Variants in RELN observed in about 807,000 individuals in gnomAD.
The protein encoded by RELN is reelin.
RELN carries 108 observed loss-of-function variants against 427.6 expected under a neutral mutation model. The observed-to-expected ratio is 0.25, with a 90% confidence interval of 0.22 to 0.30. The LOEUF (loss-of-function observed/expected upper bound fraction) is 0.30, where lower values mean the gene tolerates loss of function less well. RELN is among the 10% of genes least tolerant of loss of function. The pLI is 1.00. For missense variants in RELN, 3,715 were observed against 4,302.8 expected (o/e 0.86, Z 3.82); for synonymous variants, 1,524 against 1,513.4 (o/e 1.01, Z -0.16).
intron 1 of RELN, among the ~76,000 whole-genome samples, chr7:103,934,857 C>G (rs770314612): frequency 4.6e-5 from 7 of 152,166 alleles, no homozygotes; most frequent in African/African-American, 9.7e-5. Context: ...CTCATCTGCT[C>G]TAGGTGAGAA....
intron 3 of RELN, among the ~76,000 whole-genome samples, chr7:103,799,544 G>T (rs771096677): frequency 4.6e-5 from 7 of 152,088 alleles, no homozygotes; most frequent in Non-Finnish European, 1.0e-4. Context: ...AATTATGTCT[G>T]GGGGAATCCT....
At chr7:103,951,436 A>G (rs1380674735) in intron 1 of RELN, among the ~76,000 whole-genome samples, 1 of 152,198 alleles carries the variant, frequency 6.6e-6, no homozygotes, top group Admixed American at 6.5e-5. Flanking sequence ...TGGATATTGC[A>G]CATACCACCA....
rs565309348 is a variant in RELN at position 103,558,069 on chromosome 7, C to T, written c.5530-20G>A. 62 of 1,249,364 alleles carry T rather than the reference C, an allele frequency of 5.0e-5. No homozygotes were observed. The highest frequency in any genetic ancestry group is 1.8e-4 in the South Asian group (15 of 83,050). The allele number at this position is 1,249,364 out of a possible 1,614,324, so 77.4% of individuals were successfully genotyped here. A position where few individuals can be genotyped will look rare whatever the true frequency, so the allele number is the denominator to read the frequency against. ...TCCTTCCTGAAAATAAAAACATATA[C>T]GTTAAGCAACTTTTTTTCACTTGCA... is the stretch of plus-strand genomic sequence containing the variant. On this transcript the variant is annotated intron_variant, in intron 36 of 64. Coordinates refer to ENST00000428762, the MANE Select transcript of RELN (RefSeq NM_005045.4).
At chr7:103,553,870 G>T in intron 38 of RELN, 39 bp from the exon 39 acceptor site, 2 of 1,558,498 alleles carry the variant, frequency 1.3e-6, no homozygotes, top group Non-Finnish European at 8.8e-7. Flanking sequence ...TTCCAGTGAT[G>T]AAAATCAAAT....
At chr7:103,667,251 G>T (rs1833289450) in intron 11 of RELN, among the ~76,000 whole-genome samples, 1 of 152,158 alleles carries the variant, frequency 6.6e-6, no homozygotes, top group Non-Finnish European at 1.5e-5. Flanking sequence ...AAGCTAATTA[G>T]TTCATTTTAG....
intron 2 of RELN, among the ~76,000 whole-genome samples, chr7:103,887,036 A>T (rs10227303): frequency 0.26 from 40,196 of 152,146 alleles, 5,972 homozygotes; most frequent in African/African-American, 0.4. Flanking sequence ...TACTACTGAG[A>T]GGTCTTTATT....
intron 44 of RELN, 84 bp downstream of exon 44, chr7:103,540,113 C>G: frequency 6.7e-7 from 1 of 1,494,532 alleles, no homozygotes; most frequent in East Asian, 2.3e-5. Flanking sequence ...ATCTACTGAG[C>G]AAGCAGGTTG....
chr7:103,656,353 G>A (rs185529358), intron 12 of RELN, among the ~76,000 whole-genome samples: 2 of 152,184 alleles, frequency 1.3e-5, no homozygotes, highest in East Asian at 3.9e-4. Context: ...TTGGCTTGAT[G>A]GCAGAAAAGC....
chr7:103,699,251 C>A (rs547421551), intron 9 of RELN, among the ~76,000 whole-genome samples: 11 of 152,266 alleles, frequency 7.2e-5, no homozygotes, highest in Admixed American at 2.0e-4. Context: ...CCATATTTCT[C>A]ACTCACCAAT....
Position 103,849,583 on chromosome 7 carries a change from C to T in RELN, c.338-15911G>A, listed in dbSNP as rs192962061. Reference sequence around the variant, plus strand: ...ACATCTCTGGGCTTATCTATCATGACCCTTCTTCAAACTTCATACTCTGTC... The same window carrying T: ...ACATCTCTGGGCTTATCTATCATGATCCTTCTTCAAACTTCATACTCTGTC... On this transcript the variant is annotated intron_variant, in intron 2 of 64. Coordinates refer to ENST00000428762, the MANE Select transcript of RELN (RefSeq NM_005045.4). Among the ~76,000 whole-genome samples, 4 of 152,286 alleles carry T rather than the reference C, an allele frequency of 2.6e-5. No homozygotes were observed. The East Asian group carries it at 7.7e-4, about 29-fold the overall frequency.
chr7:103,839,434 C>T (rs1346106634), intron 2 of RELN, among the ~76,000 whole-genome samples: 1 of 150,256 alleles, frequency 6.7e-6, no homozygotes, highest in Non-Finnish European at 1.5e-5. Flanking sequence ...GATCTAAAAT[C>T]AACCAGCAAG....
In RELN at chr7:103,753,213, A is replaced by T; in HGVS notation, c.546T>A (p.Ala182=). 1 of 1,614,038 alleles carries T rather than the reference A, an allele frequency of 6.2e-7. No homozygotes were observed. The highest frequency in any genetic ancestry group is 8.5e-7 in the Non-Finnish European group (1 of 1,179,946). Residue 182 remains alanine (A), a splice_region_variant and synonymous_variant, in exon 5 of 65, where the codon GCT becomes GCA. Coordinates refer to ENST00000428762, the MANE Select transcript of RELN (RefSeq NM_005045.4). ...GTGGGTGCACAGTGACATCTGTTGG[A>T]GCTGAATCAAGAGAGGAAAGAAGAA... ...ALAQQLCEQG[A]PTDVTVHPHL...
intron 22 of RELN, among the ~76,000 whole-genome samples, chr7:103,605,168 C>A (rs983651065): frequency 5.3e-5 from 8 of 152,212 alleles, no homozygotes; most frequent in African/African-American, 1.7e-4. Context: ...AGATGTTTAA[C>A]CTTAGAGTAA....
At chr7:103,508,816 CA>C (rs1194348678) in intron 51 of RELN, among the ~76,000 whole-genome samples, 1 of 152,208 alleles carries the variant, frequency 6.6e-6, no homozygotes, top group South Asian at 2.1e-4. Context: ...TCTCAGGATA[CA>C]AAAATCAATG....
intron 6 of RELN, among the ~76,000 whole-genome samples, chr7:103,733,949 AT>A (rs1229938840): frequency 1.2e-4 from 18 of 150,742 alleles, no homozygotes; most frequent in Non-Finnish European, 1.9e-4. Context: ...ATAAAAAAAA[AT>A]GTTCTCTATA....
intron 2 of RELN, among the ~76,000 whole-genome samples, chr7:103,882,346 T>G (rs1400729964): frequency 6.6e-6 from 1 of 152,188 alleles, no homozygotes; most frequent in Non-Finnish European, 1.5e-5. Context: ...TCATTCTGGC[T>G]ATATTACTAT....
intron 1 of RELN, among the ~76,000 whole-genome samples, chr7:103,948,571 G>T (rs2116756371): frequency 6.6e-6 from 1 of 152,226 alleles, no homozygotes; most frequent in East Asian, 1.9e-4. Context: ...TACTCGGGAG[G>T]CTGAGGCAGG....
chr7:103,495,804 T>C lies in RELN; in HGVS notation c.9288A>G (p.Pro3096=). Residue 3096 remains proline, a synonymous_variant, in exon 57 of 65, where the codon CCA becomes CCG. Coordinates refer to ENST00000428762, the MANE Select transcript of RELN (RefSeq NM_005045.4). ...CGNPSFHLYW[P]NKKKDKTHNA... ...TGTGAGTCTTGTCCTTCTTTTTATT[T>C]GGCCAATAGAGGTGAAAGGATGGAT... 6.2e-7 allele frequency: 1 copy of C among 1,614,130 alleles called. No individual in the cohort carries two copies. The highest frequency in any genetic ancestry group is 8.5e-7 in the Non-Finnish European group (1 of 1,180,008).
chr7:103,829,554 G>C (rs975342746), intron 3 of RELN, among the ~76,000 whole-genome samples: 3 of 151,902 alleles, frequency 2.0e-5, no homozygotes, highest in Admixed American at 2.0e-4. Flanking sequence ...ATTTTATCAA[G>C]AGGTGTCATA....
Sources: gnomAD v4.1 joint callset for allele counts (sites outside exome capture counted in the v4.1 genomes callset) on GRCh38, gnomAD v4.1.1 for gene constraint, MANE v1.5 for transcripts, NCBI Gene and HGNC (gene_info 2026-07-23, HGNC 2026-07-21) for gene names.